TLN2: variants seen among roughly 807,000 people sequenced by gnomAD.
TLN2 encodes the protein talin-2.
In TLN2, 118 loss-of-function variants were observed where a neutral mutation model predicts 294.7. The ratio of observed to expected loss-of-function variants is 0.40; its 90% CI spans 0.34 to 0.47. The LOEUF (loss-of-function observed/expected upper bound fraction) is 0.47. Among genes scored for constraint, TLN2 ranks in the 20% least tolerant of loss-of-function variants. The pLI, the probability that TLN2 is intolerant of heterozygous loss-of-function variation, is 0.84. For missense variants in TLN2, 3,083 were observed against 3,282.2 expected (o/e 0.94, Z 1.48); for synonymous variants, 1,431 against 1,304.5 (o/e 1.10, Z -2.09).
At chr15:62,677,086 A>G (rs1468550087) in intron 11 of TLN2, among the ~76,000 whole-genome samples, 6 of 152,222 alleles carry the variant, frequency 3.9e-5, no homozygotes, top group African/African-American at 1.4e-4. Flanking sequence ...TTTGAGAGGT[A>G]GTCACCTGCT....
chr15:62,776,712 C>G (rs2141066673), intron 42 of TLN2, 52 bp from the exon 43 acceptor site: 1 of 1,382,954 alleles, frequency 7.2e-7, no homozygotes, highest in Non-Finnish European at 9.5e-7. Context: ...TCTTAGAAGA[C>G]TGAGCACCGC....
At chr15:62,563,803 G>C (rs563483199) in intron 1 of TLN2, among the ~76,000 whole-genome samples, 1 of 152,290 alleles carries the variant, frequency 6.6e-6, no homozygotes, top group South Asian at 2.1e-4. Flanking sequence ...GAAGCCTTCT[G>C]TGATTCCTTC....
At chr15:62,461,942 G>A (rs1472382931) in intron 1 of TLN2, among the ~76,000 whole-genome samples, 1 of 152,188 alleles carries the variant, frequency 6.6e-6, no homozygotes, top group Non-Finnish European at 1.5e-5. Flanking sequence ...GTATCTGTCT[G>A]TACTTTTAAC....
chr15:62,611,484 C>A (rs183392164), intron 2 of TLN2, among the ~76,000 whole-genome samples: 93 of 152,288 alleles, frequency 6.1e-4, no homozygotes, highest in Middle Eastern at 3.4e-3. Flanking sequence ...AGTACTGTGT[C>A]CCCAGGGCTT....
At chr15:62,758,980 T>C (rs2062487839) in intron 37 of TLN2, among the ~76,000 whole-genome samples, 1 of 152,250 alleles carries the variant, frequency 6.6e-6, no homozygotes, top group Admixed American at 6.5e-5. Flanking sequence ...ACAGAAATTG[T>C]TTCTCCCAGA....
intron 1 of TLN2, among the ~76,000 whole-genome samples, chr15:62,443,820 C>T (rs1186667053): frequency 2.0e-5 from 3 of 151,958 alleles, no homozygotes; most frequent in Non-Finnish European, 4.4e-5. Flanking sequence ...TTGGTAACGG[C>T]GAAACCCTAT....
rs549807430 is a variant in TLN2, at chr15:62,487,113, C to G, written c.-238+96428C>G. On this transcript the variant is annotated intron_variant, in intron 1 of 58. Coordinates refer to ENST00000636159, the MANE Select transcript of TLN2 (RefSeq NM_015059.3). ...ACTAGATTAGGACATGGAAAAGTCT[C>G]CTCCTAGCACATTTGACAGTTCTGT... Among the ~76,000 whole-genome samples the G allele has an allele frequency of 9.2e-5, 14 of 152,310 alleles. No individual in the cohort carries two copies. The Middle Eastern group carries it at 0.01, about 111-fold the overall frequency.
chr15:62,449,311 G>A (rs2035977645), intron 1 of TLN2, among the ~76,000 whole-genome samples: 1 of 152,112 alleles, frequency 6.6e-6, no homozygotes, highest in Non-Finnish European at 1.5e-5. Flanking sequence ...TGTTTCTAGG[G>A]GAGGGTCTTT....
At chr15:62,491,389 CACACACA>C (rs2038718541) in intron 1 of TLN2, among the ~76,000 whole-genome samples, 15 of 117,158 alleles carry the variant, frequency 1.3e-4, no homozygotes, top group South Asian at 1.2e-3. Context: ...CACACACACA[CACACACA>C]TTTATATAAG....
At chr15:62,427,569 G>C (rs982838300) in intron 1 of TLN2, among the ~76,000 whole-genome samples, 4 of 152,020 alleles carry the variant, frequency 2.6e-5, no homozygotes, top group African/African-American at 7.2e-5. Context: ...TGCTGGGCTG[G>C]GGGGTGGATG....
chr15:62,506,500 G>A (rs1308897763), intron 1 of TLN2, among the ~76,000 whole-genome samples: 1 of 152,218 alleles, frequency 6.6e-6, no homozygotes, highest in Non-Finnish European at 1.5e-5. Context: ...GGAATTCCTA[G>A]GAACTGTGCT....
At chr15:62,498,877 C>T (rs2039155689) in intron 1 of TLN2, among the ~76,000 whole-genome samples, 1 of 152,192 alleles carries the variant, frequency 6.6e-6, no homozygotes, top group South Asian at 2.1e-4. Flanking sequence ...AATTTACCCA[C>T]TCTAAAGAGA....
At chr15:62,598,727 G>A (rs969622674) in intron 2 of TLN2, among the ~76,000 whole-genome samples, 1 of 151,536 alleles carries the variant, frequency 6.6e-6, no homozygotes, top group Admixed American at 6.6e-5. Context: ...CCATTCCTGA[G>A]AGAAATGGAA....
intron 1 of TLN2, among the ~76,000 whole-genome samples, chr15:62,588,665 C>CATATATATAT (rs3055752): frequency 2.2e-4 from 16 of 71,444 alleles, no homozygotes; most frequent in Non-Finnish European, 3.9e-4. Context: ...ACATTTTTTT[C>CATATATATAT]ATATATATAT....
Position 62,598,733 on chromosome 15 carries a change from T to C in TLN2, c.-162+8971T>C, listed in dbSNP as rs1158712631. ...CTTTTCTCTCCATTCCTGAGAGAAA[T>C]GGAATTTTCTCTCAGGAATGGAGAG... On this transcript the variant is annotated intron_variant, in intron 2 of 58. Transcript: ENST00000636159. Among the ~76,000 whole-genome samples the C allele has an allele frequency of 3.3e-5, 5 of 151,486 alleles. No individual in the cohort carries two copies. The South Asian group carries it at 1.0e-3, about 32-fold the overall frequency.
At chr15:62,508,892 T>C (rs2039779393) in intron 1 of TLN2, among the ~76,000 whole-genome samples, 1 of 152,364 alleles carries the variant, frequency 6.6e-6, no homozygotes, top group South Asian at 2.1e-4. Context: ...TTACTCCTAA[T>C]CAGTATTCTT....
chr15:62,686,603 A>C, intron 11 of TLN2, 38 bp from the exon 12 acceptor site: 1 of 1,587,298 alleles, frequency 6.3e-7, no homozygotes, highest in Non-Finnish European at 8.6e-7. Context: ...AGATGTATTC[A>C]GAAGAAGAGC....
In TLN2 at chr15:62,843,898, T is replaced by C. The variant is rs2070954006; in HGVS notation, c.*3288T>C. ...CTGGCAGATAGTCCCCAGAATCTTC[T>C]CTCCCAGCTTTGAGGTTCTGGGCTC... On this transcript the variant is annotated 3_prime_UTR_variant, in exon 59 of 59. Transcript: ENST00000636159. The C allele has an allele frequency of 6.6e-6, 1 of 152,082 alleles. No homozygotes were observed. The highest frequency in any genetic ancestry group is 2.4e-5 in the African/African-American group (1 of 41,392). 9.4% of individuals were successfully genotyped at this position (152,082 alleles called of 1,614,324 possible).
intron 3 of TLN2, among the ~76,000 whole-genome samples, chr15:62,629,959 A>G (rs1056865492): frequency 6.6e-6 from 1 of 152,144 alleles, no homozygotes; most frequent in Non-Finnish European, 1.5e-5. Context: ...TCCTTTTCCC[A>G]TTGTTCTTAA....
Sources: allele counts gnomAD v4.1 joint callset (sites outside exome capture counted in the v4.1 genomes callset), GRCh38; gene constraint gnomAD v4.1.1; transcripts MANE v1.5; gene names NCBI Gene and HGNC (gene_info 2026-07-23, HGNC 2026-07-21).